ANKRD12: variants seen among roughly 807,000 people sequenced by gnomAD.
ANKRD12 encodes ankyrin repeat domain 12, also known as ankyrin repeat domain-containing protein 12.
Under a neutral mutation model 183.4 loss-of-function variants are expected in ANKRD12, and 85 were observed. The ratio of observed to expected loss-of-function variants is 0.46; its 90% CI spans 0.39 to 0.56. The LOEUF is 0.56. Among genes scored for constraint, ANKRD12 ranks in the 20% least tolerant of loss-of-function variants. The pLI is 0.00. For missense variants in ANKRD12, 2,405 were observed against 2,357.1 expected, an observed-to-expected ratio of 1.02 and a Z score of -0.42; for synonymous variants, 914 against 800.2, an observed-to-expected ratio of 1.14 and a Z score of -2.40.
chr18:9,146,038 A>G (rs1484283811), intron 1 of ANKRD12, among the ~76,000 whole-genome samples: 1 of 152,236 alleles, frequency 6.6e-6, no homozygotes, highest in Admixed American at 6.5e-5. Context: ...TGTTTTAGGC[A>G]CTGAAATAGG....
Position 9,281,061 on chromosome 18 carries a change from G to C in ANKRD12, c.6124G>C (p.Glu2042Gln), listed in dbSNP as rs560288198. The C allele has an allele frequency of 1.9e-6, 3 of 1,614,072 alleles. No individual in the cohort carries two copies. The South Asian group carries it at 3.3e-5, about 18-fold the overall frequency. Reference protein sequence around the residue: ...PATYKSISIYEIQEFYVPLVD... With the variant: ...PATYKSISIYQIQEFYVPLVD... ...CACCTATAAATCTATCAGCATTTAC[G>C]AAATCCAGGAGTTTTATGTTCCCCT... Residue 2042 changes from glutamate (E) to glutamine (Q), a missense_variant, in exon 13 of 13, where the codon GAA (glutamate) becomes CAA (glutamine). By Grantham distance (29) the Glu-to-Gln change is conservative. Coordinates refer to ENST00000262126, the MANE Select transcript of ANKRD12 (RefSeq NM_015208.5).
At chr18:9,265,975 C>T (rs2039267137) in intron 10 of ANKRD12, among the ~76,000 whole-genome samples, 1 of 152,134 alleles carries the variant, frequency 6.6e-6, no homozygotes, top group South Asian at 2.1e-4. Flanking sequence ...ATGACGAATG[C>T]ACAAGCTTCA....
chr18:9,198,662 G>T (rs1031322529), intron 3 of ANKRD12, among the ~76,000 whole-genome samples: 1 of 152,022 alleles, frequency 6.6e-6, no homozygotes, highest in Non-Finnish European at 1.5e-5. Flanking sequence ...TGATTCTCCC[G>T]CCTCAGCCTT....
chr18:9,150,882 T>C (rs2078663076), intron 1 of ANKRD12, among the ~76,000 whole-genome samples: 1 of 152,106 alleles, frequency 6.6e-6, no homozygotes, highest in South Asian at 2.1e-4. Flanking sequence ...CTCGATCTCT[T>C]GACCTCGTGA....
At chr18:9,144,588 G>T (rs2078430335) in intron 1 of ANKRD12, among the ~76,000 whole-genome samples, 1 of 152,118 alleles carries the variant, frequency 6.6e-6, no homozygotes. Flanking sequence ...ATTATGAAGT[G>T]CTAATAGACT....
chr18:9,263,701 T>A, intron 9 of ANKRD12, 89 bp from the exon 10 acceptor site: 5 of 947,470 alleles, frequency 5.3e-6, no homozygotes, highest in South Asian at 6.3e-5. Context: ...TTTGTTTTTT[T>A]ATGCACTAAA....
chr18:9,190,294 C>G (rs1205361390), intron 2 of ANKRD12, among the ~76,000 whole-genome samples: 1 of 152,116 alleles, frequency 6.6e-6, no homozygotes, highest in East Asian at 1.9e-4. Context: ...TTTAAAACAA[C>G]CTTATAAGCA....
chr18:9,254,760 C>G lies in ANKRD12; in HGVS notation c.1493C>G (p.Thr498Arg). 1 of 1,468,038 alleles carries G rather than the reference C, an allele frequency of 6.8e-7. No individual in the cohort carries two copies. The highest frequency in any genetic ancestry group is 9.0e-7 in the Non-Finnish European group (1 of 1,110,226). 90.9% of individuals were successfully genotyped at this position (1,468,038 alleles called of 1,614,324 possible). A position where few individuals can be genotyped will look rare whatever the true frequency, so the allele number is the denominator to read the frequency against. Residue 498 changes from threonine to arginine, a missense_variant, in exon 9 of 13, where the codon ACA becomes AGA. This residue lies in a region of ANKRD12 where 1,983 missense variants were observed against 1,725.9 expected (regional missense o/e 1.15). Coordinates refer to ENST00000262126, the MANE Select transcript of ANKRD12 (RefSeq NM_015208.5). ...CAAGAAAAGGAAGGAAAAGAAAATA[C>G]AAGAATAACAAACTTGACAGTAAAT... ...LKQEKEGKEN[T>R]RITNLTVNTG...
intron 1 of ANKRD12, among the ~76,000 whole-genome samples, chr18:9,165,122 C>T (rs961972172): frequency 1.2e-4 from 18 of 152,174 alleles, no homozygotes; most frequent in African/African-American, 3.1e-4. Context: ...TAGCTCTTCT[C>T]GTTGAACTGA....
At chr18:9,235,787 A>C (rs779599943) in intron 8 of ANKRD12, 36 of 412,972 alleles carry the variant, frequency 8.7e-5, no homozygotes, top group South Asian at 4.1e-4. Flanking sequence ...AAACAGAAGA[A>C]GACCATGTAG....
chr18:9,259,397 G>A (rs2038834361), intron 9 of ANKRD12: 1 of 149,596 alleles, frequency 6.7e-6, no homozygotes, highest in African/African-American at 2.6e-5. Flanking sequence ...ACACATTTAT[G>A]TGTTTAACAT....
rs2038681089 is a variant in ANKRD12 at position 9,257,121 on chromosome 18, A to T, written c.3854A>T (p.His1285Leu). Residue 1285 changes from histidine (H) to leucine (L), a missense_variant, in exon 9 of 13, where the codon CAT (histidine) becomes CTT (leucine). By Grantham distance (99) the His-to-Leu change is moderately conservative (BLOSUM62 -3). This residue lies in a region of ANKRD12 where 1,983 missense variants were observed against 1,725.9 expected (regional missense o/e 1.15). Coordinates refer to ENST00000262126, the MANE Select transcript of ANKRD12 (RefSeq NM_015208.5). Reference sequence around the variant, plus strand: ...TATGCAAACAGACTTTCAACATCCCATCTTAGGTCATCTTCTGTAGAAGAT... The same window carrying T: ...TATGCAAACAGACTTTCAACATCCCTTCTTAGGTCATCTTCTGTAGAAGAT... ...PPYANRLSTS[H>L]LRSSSVEDVK... is the part of the protein sequence containing the mutation. The T allele has an allele frequency of 6.2e-7, 1 of 1,614,118 alleles. No individual in the cohort carries two copies. Among genetic ancestry groups the T allele is most frequent in the Middle Eastern group, 1.6e-4 (1 of 6,062 alleles).
intron 1 of ANKRD12, among the ~76,000 whole-genome samples, chr18:9,167,543 C>T (rs1200871301): frequency 6.6e-6 from 1 of 152,144 alleles, no homozygotes; most frequent in East Asian, 1.9e-4. Context: ...TTTAAGAATG[C>T]TTGTGATTTT....
At position 9,211,609 on chromosome 18, in the gene ANKRD12, A is replaced by G. The variant is rs746496404; in HGVS notation, c.477A>G (p.Gln159=). Residue 159 remains glutamine (Q), a synonymous_variant, in exon 6 of 13, where the codon CAA becomes CAG. Coordinates refer to ENST00000262126, the MANE Select transcript of ANKRD12 (RefSeq NM_015208.5). ...SPDSTPNHPS[Q]TTPAQKKTPS... is the part of the protein sequence containing the mutation. ...ATTCCACACCAAATCATCCATCACA[A>G]ACAACGCCTGCCCAAAAGAAAACTC... 6.2e-7 allele frequency: 1 copy of G among 1,613,878 alleles called. No homozygotes were observed. Among genetic ancestry groups the G allele is most frequent in the South Asian group, 1.1e-5 (1 of 91,076 alleles).
intron 8 of ANKRD12, among the ~76,000 whole-genome samples, chr18:9,240,120 G>A (rs972961429): frequency 9.2e-5 from 14 of 152,144 alleles, no homozygotes; most frequent in Non-Finnish European, 1.6e-4. Flanking sequence ...TTTATTTTAT[G>A]ATGGTTTAGT....
intron 1 of ANKRD12, among the ~76,000 whole-genome samples, chr18:9,165,633 A>G (rs967936459): frequency 6.6e-6 from 1 of 152,110 alleles, no homozygotes; most frequent in East Asian, 1.9e-4. Flanking sequence ...GGGTTATTTC[A>G]CTTGGCATAA....
chr18:9,195,170 G>T (rs2034700427), intron 2 of ANKRD12, among the ~76,000 whole-genome samples: 1 of 152,062 alleles, frequency 6.6e-6, no homozygotes, highest in South Asian at 2.1e-4. Context: ...GCAGACACTG[G>T]GGCTTACTTG....
intron 10 of ANKRD12, among the ~76,000 whole-genome samples, chr18:9,269,771 G>A (rs1363044884): frequency 6.6e-6 from 1 of 152,150 alleles, no homozygotes; most frequent in Non-Finnish European, 1.5e-5. Flanking sequence ...TTGACAGATG[G>A]GATCTAATTA....
intron 1 of ANKRD12, among the ~76,000 whole-genome samples, chr18:9,176,232 G>A (rs116984639): frequency 6.6e-6 from 1 of 152,042 alleles, no homozygotes; most frequent in Non-Finnish European, 1.5e-5. Flanking sequence ...TTTAGTTTTG[G>A]TTATAATTTT....
Sources: allele counts gnomAD v4.1 joint callset (sites outside exome capture counted in the v4.1 genomes callset), GRCh38; gene constraint gnomAD v4.1.1; regional missense constraint gnomAD v4.1.1; transcripts MANE v1.5; gene names NCBI Gene and HGNC (gene_info 2026-07-23, HGNC 2026-07-21).